Variants in BRD10 observed in about 807,000 individuals in gnomAD.
BRD10 encodes bromodomain containing 10, also known as uncharacterized bromodomain-containing protein 10.
chr9:5,988,783 T>C, the BRD10 span, among the ~76,000 whole-genome samples: 2 of 152,182 alleles, frequency 1.3e-5, no homozygotes, highest in African/African-American at 4.8e-5. Flanking sequence ...CTGAAGCATT[T>C]AAAATATTGA....
At chr9:5,888,395 T>C in the BRD10 span, among the ~76,000 whole-genome samples, 1 of 152,246 alleles carries the variant, frequency 6.6e-6, no homozygotes, top group Non-Finnish European at 1.5e-5. Flanking sequence ...TTATACATCA[T>C]TTTAATGGGC....
chr9:5,906,823 TTTTC>T, the BRD10 span: 2 of 1,154,264 alleles, frequency 1.7e-6, no homozygotes, highest in Non-Finnish European at 2.4e-6. Context: ...CTTCCTTCTC[TTTTC>T]TTTAATGGAT....
At chr9:5,919,736 A>C in the BRD10 span, 177 of 1,613,232 alleles carry the variant, frequency 1.1e-4, no homozygotes, top group African/African-American at 8.7e-4. Flanking sequence ...AAAAGCAGGG[A>C]AGACAGACGC....
the BRD10 span, among the ~76,000 whole-genome samples, chr9:5,977,727 C>T: frequency 6.6e-6 from 1 of 151,976 alleles, no homozygotes; most frequent in African/African-American, 2.4e-5. Flanking sequence ...CCCAGCTACT[C>T]GGGAGGCTGA....
At chr9:5,898,012 GCATCA>G in the BRD10 span, 1 of 212,566 alleles carries the variant, frequency 4.7e-6, no homozygotes, top group Non-Finnish European at 9.7e-6. Flanking sequence ...ATAGTGGAAG[GCATCA>G]CATGGGCAAG....
the BRD10 span, among the ~76,000 whole-genome samples, chr9:6,004,563 C>G: frequency 6.6e-6 from 1 of 152,186 alleles, no homozygotes; most frequent in Non-Finnish European, 1.5e-5. Flanking sequence ...GCTTTAAAGT[C>G]TCTTTACACT....
the BRD10 span, among the ~76,000 whole-genome samples, chr9:5,893,017 C>T: frequency 6.6e-6 from 1 of 152,144 alleles, no homozygotes; most frequent in Non-Finnish European, 1.5e-5. Flanking sequence ...ATGGAGGTCA[C>T]AGCCTTTGCA....
chr9:5,964,070 T>C, the BRD10 span, among the ~76,000 whole-genome samples: 1 of 151,728 alleles, frequency 6.6e-6, no homozygotes, highest in Admixed American at 6.6e-5. Flanking sequence ...CTAATTCAAC[T>C]AAAGAGCTTC....
the BRD10 span, among the ~76,000 whole-genome samples, chr9:5,998,193 C>G: frequency 2.0e-5 from 3 of 152,050 alleles, no homozygotes; most frequent in South Asian, 6.2e-4. Flanking sequence ...AAACTATTAA[C>G]AGTAGGATTG....
the BRD10 span, chr9:5,909,735 A>G: frequency 6.6e-6 from 1 of 152,166 alleles, no homozygotes; most frequent in Admixed American, 6.5e-5. Context: ...ACTGCCTTAA[A>G]TGTACCTATG....
At chr9:5,920,466 C>G in the BRD10 span, 1 of 1,613,960 alleles carries the variant, frequency 6.2e-7, no homozygotes, top group African/African-American at 1.3e-5. Flanking sequence ...CCACCTGGAG[C>G]AGAACTGTAA....
the BRD10 span, among the ~76,000 whole-genome samples, chr9:5,893,334 C>G: frequency 0.62 from 93,603 of 152,018 alleles, 30,773 homozygotes; most frequent in Non-Finnish European, 0.75. Flanking sequence ...GCGTGGGACT[C>G]TAACAGGACA....
At chr9:5,914,666 G>A in the BRD10 span, among the ~76,000 whole-genome samples, 1 of 151,828 alleles carries the variant, frequency 6.6e-6, no homozygotes, top group African/African-American at 2.4e-5. Context: ...CTCGTGATCT[G>A]CCCGCCTCGG....
At chr9:5,995,856 C>T in the BRD10 span, among the ~76,000 whole-genome samples, 5 of 151,986 alleles carry the variant, frequency 3.3e-5, no homozygotes, top group African/African-American at 2.4e-5. Context: ...GCAAAGAACA[C>T]GCTAACAATT....
the BRD10 span, among the ~76,000 whole-genome samples, chr9:5,990,862 C>T: frequency 6.6e-6 from 1 of 152,138 alleles, no homozygotes. Flanking sequence ...TATCCTTTGA[C>T]CCACCATGCT....
chr9:5,956,649 T>A, the BRD10 span, among the ~76,000 whole-genome samples: 3 of 152,326 alleles, frequency 2.0e-5, no homozygotes, highest in South Asian at 6.2e-4. Flanking sequence ...TTAGCTAAGC[T>A]ATGGTGAGAA....
At chr9:5,888,628 A>G in the BRD10 span, among the ~76,000 whole-genome samples, 1 of 152,230 alleles carries the variant, frequency 6.6e-6, no homozygotes, top group Non-Finnish European at 1.5e-5. Flanking sequence ...GAAGTTTTGC[A>G]AAGGAGATGA....
the BRD10 span, among the ~76,000 whole-genome samples, chr9:5,946,414 C>T: frequency 1.3e-5 from 2 of 151,966 alleles, no homozygotes; most frequent in Non-Finnish European, 2.9e-5. Flanking sequence ...GCCAAATTTA[C>T]TTATGAAAGA....
the BRD10 span, chr9:5,892,508 T>A: frequency 6.2e-7 from 1 of 1,613,902 alleles, no homozygotes. Flanking sequence ...CATCTATGGT[T>A]ACCCCAAGAA....
Sources: gnomAD v4.1 joint callset for allele counts (sites outside exome capture counted in the v4.1 genomes callset) on GRCh38, gnomAD v4.1.1 for gene constraint, MANE v1.5 for transcripts, NCBI Gene and HGNC (gene_info 2026-07-23, HGNC 2026-07-21) for gene names.